The following FGF14 variants were observed in gnomAD, a reference collection of about 807,000 sequenced individuals.
The protein encoded by FGF14 is fibroblast growth factor 14, also known as fibroblast growth factor homologous factor 4.
FGF14 carries 5 observed loss-of-function variants against 25.5 expected under a neutral mutation model. The ratio of observed to expected loss-of-function variants is 0.20; its 90% confidence interval spans 0.10 to 0.41. FGF14 has a LOEUF of 0.41. FGF14 is among the 10% of genes least tolerant of loss of function. FGF14 has a pLI of 1.00. For synonymous variants in FGF14, 138 were observed against 118.3 expected, an observed-to-expected ratio of 1.17 and a Z score of -1.08; for missense variants, 222 against 320.1, an observed-to-expected ratio of 0.69 and a Z score of 2.34.
intron 1 of FGF14, among the ~76,000 whole-genome samples, chr13:101,880,063 T>C (rs756999781): frequency 1.3e-5 from 2 of 152,198 alleles, no homozygotes; most frequent in Non-Finnish European, 2.9e-5. Flanking sequence ...ATTTCCTTTA[T>C]GGATTGACCC....
At position 101,824,759 on chromosome 13, in the gene FGF14, C is replaced by T. The variant is rs186510269; in HGVS notation, c.408+43966G>A. 1.1e-3 allele frequency among the ~76,000 whole-genome samples: 166 copies of T among 152,236 alleles called. 3 individuals carry two copies. The highest frequency in any genetic ancestry group is 0.011 in the Admixed American group (163 of 15,300). On this transcript the variant is annotated intron_variant, in intron 3 of 4. Coordinates refer to ENST00000376143, the MANE Select transcript of FGF14 (RefSeq NM_004115.4). ...CACGTGATTTGAGGATTCCAGCTTT[C>T]GGCCTCATTCCTAACCTCCAACTGA...
intron 1 of FGF14, among the ~76,000 whole-genome samples, chr13:102,138,647 T>C (rs1396819750): frequency 1.3e-5 from 2 of 151,270 alleles, no homozygotes; most frequent in Non-Finnish European, 2.9e-5. Context: ...GTCCATCCAA[T>C]GCCTCAGCCA....
At chr13:102,286,320 C>T (rs2054096466) in intron 1 of FGF14, among the ~76,000 whole-genome samples, 1 of 151,530 alleles carries the variant, frequency 6.6e-6, no homozygotes. Context: ...CTGCCCAAAG[C>T]TCACCCATCA....
At chr13:102,367,789 G>C (rs1017689378) in intron 1 of FGF14, 2 of 152,204 alleles carry the variant, frequency 1.3e-5, no homozygotes, top group African/African-American at 4.8e-5. Flanking sequence ...TTAAAATGGG[G>C]GTGACAGTGC....
At chr13:101,841,217 A>G (rs1241348096) in intron 3 of FGF14, among the ~76,000 whole-genome samples, 2 of 151,968 alleles carry the variant, frequency 1.3e-5, no homozygotes, top group African/African-American at 4.8e-5. Context: ...TCCTTACTTT[A>G]TTATTTTTTT....
intron 1 of FGF14, among the ~76,000 whole-genome samples, chr13:102,107,797 T>C: frequency 6.6e-6 from 1 of 152,180 alleles, no homozygotes. Flanking sequence ...AAGGCACACT[T>C]GCAGCAGAAA....
chr13:101,802,655 G>A (rs1417361976), intron 3 of FGF14, among the ~76,000 whole-genome samples: 2 of 152,138 alleles, frequency 1.3e-5, no homozygotes, highest in Admixed American at 1.3e-4. Context: ...TCCTGAAACT[G>A]TATCAAAATT....
At chr13:102,398,796 G>A (rs899406085) in intron 1 of FGF14, among the ~76,000 whole-genome samples, 8 of 151,182 alleles carry the variant, frequency 5.3e-5, no homozygotes, top group Non-Finnish European at 8.8e-5. Context: ...GCATGGGTTC[G>A]ATTCAAGCTT....
intron 3 of FGF14, among the ~76,000 whole-genome samples, chr13:101,757,042 T>C (rs2037714664): frequency 1.3e-5 from 2 of 152,182 alleles, no homozygotes; most frequent in Non-Finnish European, 2.9e-5. Context: ...AACCGAGAGA[T>C]TTTAGCAGAG....
chr13:101,851,195 C>T (rs1594480157), intron 3 of FGF14, among the ~76,000 whole-genome samples: 1 of 151,998 alleles, frequency 6.6e-6, no homozygotes, highest in African/African-American at 2.4e-5. Context: ...GGACAATGAA[C>T]ACAGAGACAG....
chr13:101,742,786 T>TA (rs1256715923), intron 3 of FGF14, among the ~76,000 whole-genome samples: 1 of 152,038 alleles, frequency 6.6e-6, no homozygotes, highest in African/African-American at 2.4e-5. Context: ...GTTACAAAGA[T>TA]AAAAAAGCTA....
chr13:102,139,413 AAAAT>A (rs1384882768), intron 1 of FGF14, among the ~76,000 whole-genome samples: 1 of 152,172 alleles, frequency 6.6e-6, no homozygotes, highest in Non-Finnish European at 1.5e-5. Context: ...AAAGAAAAAA[AAAAT>A]AGAGAAATGG....
intron 1 of FGF14, among the ~76,000 whole-genome samples, chr13:102,131,503 C>T (rs2046194695): frequency 6.6e-6 from 1 of 152,126 alleles, no homozygotes; most frequent in Non-Finnish European, 1.5e-5. Flanking sequence ...GCTGTCTCAG[C>T]CGTATGCGCA....
chr13:101,901,175 A>C (rs1407027252), intron 1 of FGF14, among the ~76,000 whole-genome samples: 1 of 152,114 alleles, frequency 6.6e-6, no homozygotes, highest in African/African-American at 2.4e-5. Flanking sequence ...TTATGAAACA[A>C]GAAAATATAA....
intron 1 of FGF14, among the ~76,000 whole-genome samples, chr13:102,143,273 A>G (rs1002736943): frequency 6.6e-6 from 1 of 152,174 alleles, no homozygotes; most frequent in Non-Finnish European, 1.5e-5. Context: ...TTTCACAAGT[A>G]TGGGGGGTTA....
intron 1 of FGF14, among the ~76,000 whole-genome samples, chr13:102,297,138 G>A (rs989396038): frequency 1.2e-4 from 19 of 152,074 alleles, no homozygotes; most frequent in African/African-American, 4.6e-4. Context: ...GGGAAAAGGT[G>A]GCATTTTACC....
chr13:101,827,187 C>T (rs2042431471), intron 3 of FGF14, among the ~76,000 whole-genome samples: 1 of 151,928 alleles, frequency 6.6e-6, no homozygotes, highest in Admixed American at 6.6e-5. Context: ...CAGTAGATGT[C>T]ATAATTTTAA....
chr13:102,120,514 G>A (rs1249593275), intron 1 of FGF14, among the ~76,000 whole-genome samples: 1 of 152,180 alleles, frequency 6.6e-6, no homozygotes, highest in Non-Finnish European at 1.5e-5. Flanking sequence ...GTTTTCACTA[G>A]AAGAGAAAGT....
chr13:101,867,098 G>A (rs1594539079), intron 3 of FGF14, among the ~76,000 whole-genome samples: 1 of 152,152 alleles, frequency 6.6e-6, no homozygotes, highest in South Asian at 2.1e-4. Flanking sequence ...AAATGCTATT[G>A]CACGCAGTGA....
Sources: allele counts gnomAD v4.1 joint callset (sites outside exome capture counted in the v4.1 genomes callset), GRCh38; gene constraint gnomAD v4.1.1; transcripts MANE v1.5; gene names NCBI Gene and HGNC (gene_info 2026-07-23, HGNC 2026-07-21).